The following CNKSR2 variants were observed in gnomAD, a reference collection of about 807,000 sequenced individuals.
The protein encoded by CNKSR2 is connector enhancer of kinase suppressor of Ras 2.
CNKSR2 carries 14 observed loss-of-function variants against 84.4 expected under a neutral mutation model. That is an observed-to-expected ratio of 0.17 (90% CI 0.11 to 0.26). CNKSR2 has a LOEUF of 0.26. Ranked by LOEUF, CNKSR2 falls within the 10% of genes least tolerant of loss-of-function variation. The pLI is 1.00. For synonymous variants in CNKSR2, 275 were observed against 277.9 expected (o/e 0.99, Z 0.10); for missense variants, 485 against 771.2 (o/e 0.63, Z 4.40).
intron 1 of CNKSR2, among the ~76,000 whole-genome samples, chrX:21,395,029 AGC>A (rs2090102851): frequency 8.9e-6 from 1 of 111,932 alleles, no homozygotes; most frequent in South Asian, 3.7e-4. Context: ...ACAATTGAGA[AGC>A]ATTAAGACTG....
intron 20 of CNKSR2, chrX:21,642,359 G>A (rs2147338754): frequency 2.7e-6 from 2 of 753,352 alleles, no homozygotes; most frequent in African/African-American, 4.6e-5. Context: ...GGGCAGGCAT[G>A]AGCTATTCTT....
chrX:21,568,182 C>T (rs1042129204), intron 13 of CNKSR2, among the ~76,000 whole-genome samples: 1 of 110,749 alleles, frequency 9.0e-6, no homozygotes, highest in South Asian at 3.9e-4. Context: ...CAGCTACTTG[C>T]GGGGCTAAGG....
chrX:21,586,094 T>C (rs2092386028), intron 13 of CNKSR2, among the ~76,000 whole-genome samples: 1 of 111,062 alleles, frequency 9.0e-6, no homozygotes, highest in African/African-American at 3.3e-5. Flanking sequence ...TCAGTGATAA[T>C]TGGGACCTAA....
intron 13 of CNKSR2, among the ~76,000 whole-genome samples, chrX:21,587,874 T>A (rs1049910763): frequency 8.9e-6 from 1 of 111,803 alleles, no homozygotes; most frequent in Non-Finnish European, 1.9e-5. Context: ...CTCATAGGAC[T>A]CAACATATAG....
Position 21,563,472 on chromosome X carries a change from C to T in CNKSR2, c.1608+20C>T. The T allele has an allele frequency of 9.3e-7, 1 of 1,078,080 alleles. No individual in the cohort carries two copies. The highest frequency in any genetic ancestry group is 1.3e-6 in the Non-Finnish European group (1 of 787,269). 88.8% of individuals were successfully genotyped at this position (1,078,080 alleles called of 1,213,427 possible). On this transcript the variant is annotated intron_variant, in intron 13 of 21. Coordinates refer to ENST00000379510, the MANE Select transcript of CNKSR2 (RefSeq NM_014927.5). The stretch of plus-strand genomic sequence containing the variant: ...TACCATGTAAGTAAAATTTCAAAGA[C>T]TCTTCAATACAGCTTTTATTGGAAG...
rs768497403 is a variant in CNKSR2 at position 21,473,745 on chromosome X, GTT to G, written c.561+2956_561+2957del. On this transcript the variant is annotated intron_variant, in intron 5 of 21. Transcript: ENST00000379510. ...TAGGTTTTTTGTTGTTGTTGGTTTG[GTT>G]TTTTTTTTTTTTTTTTTGAGACAGA... Among the ~76,000 whole-genome samples the G allele has an allele frequency of 5.7e-3, 386 of 67,179 alleles. 12 individuals carry two copies. Among genetic ancestry groups the G allele is most frequent in the African/African-American group, 0.035 (343 of 9,700 alleles). 58.3% of individuals were successfully genotyped at this position (67,179 alleles called of 115,157 possible).
intron 11 of CNKSR2, among the ~76,000 whole-genome samples, chrX:21,534,453 G>T (rs753769585): frequency 1.0e-4 from 11 of 110,291 alleles, no homozygotes; most frequent in Non-Finnish European, 1.7e-4. Context: ...CCTATACCCA[G>T]TAATGTGAAT....
intron 7 of CNKSR2, among the ~76,000 whole-genome samples, chrX:21,500,844 A>G (rs957250482): frequency 9.0e-6 from 1 of 111,620 alleles, no homozygotes; most frequent in East Asian, 2.8e-4. Context: ...GTATTACACT[A>G]TATGTAACAT....
intron 1 of CNKSR2, 55 bp from the exon 2 acceptor site, chrX:21,426,442 A>G (rs1436762563): frequency 9.1e-7 from 1 of 1,104,330 alleles, no homozygotes; most frequent in Non-Finnish European, 1.2e-6. Context: ...CACCCTTCAC[A>G]TTTATTTGGT....
At chrX:21,378,822 G>A (rs766393388) in intron 1 of CNKSR2, among the ~76,000 whole-genome samples, 5 of 110,912 alleles carry the variant, frequency 4.5e-5, no homozygotes, top group Admixed American at 9.6e-5. Flanking sequence ...GCCCCATTTT[G>A]CTTGTCTTCT....
intron 8 of CNKSR2, 93 bp from the exon 9 acceptor site, chrX:21,516,392 C>CTTTTTTTTT: frequency 2.4e-6 from 2 of 834,829 alleles, no homozygotes; most frequent in African/African-American, 2.2e-5. Flanking sequence ...AATTATGTGA[C>CTTTTTTTTT]TTTTTTTTTT....
intron 4 of CNKSR2, among the ~76,000 whole-genome samples, chrX:21,454,777 A>G (rs1161033938): frequency 8.9e-6 from 1 of 112,168 alleles, no homozygotes; most frequent in Non-Finnish European, 1.9e-5. Context: ...TGTTTGTATA[A>G]TATTTTACAA....
At chrX:21,526,762 A>C in intron 9 of CNKSR2, 105 bp from the exon 10 acceptor site, 3 of 749,612 alleles carry the variant, frequency 4.0e-6, no homozygotes. Context: ...GAAATAGATA[A>C]TTTTAAAATG....
intron 5 of CNKSR2, among the ~76,000 whole-genome samples, chrX:21,471,225 A>G (rs2091194171): frequency 8.9e-6 from 1 of 112,012 alleles, no homozygotes; most frequent in African/African-American, 3.2e-5. Flanking sequence ...CCAATTCTAT[A>G]CCTACGAGAC....
At chrX:21,623,501 G>A (rs2092610597) in intron 20 of CNKSR2, among the ~76,000 whole-genome samples, 1 of 111,706 alleles carries the variant, frequency 9.0e-6, no homozygotes, top group African/African-American at 3.2e-5. Flanking sequence ...TAACATTTCA[G>A]GATGTATGGT....
intron 20 of CNKSR2, chrX:21,643,830 C>G (rs1308911803): frequency 9.0e-6 from 1 of 110,704 alleles, no homozygotes; most frequent in African/African-American, 3.3e-5. Flanking sequence ...CTTCCCCAAA[C>G]CCAGTTTTAT....
chrX:21,644,677 A>G (rs903000748), intron 20 of CNKSR2: 1 of 111,736 alleles, frequency 8.9e-6, no homozygotes, highest in African/African-American at 3.2e-5. Context: ...TACTCGTGGA[A>G]AAGTCACAGT....
rs1312351018 is a variant in CNKSR2 at position 21,654,291 on chromosome X, A to AC, written c.*1770_*1771insC. The AC allele has an allele frequency of 9.3e-6, 1 of 107,204 alleles. No homozygotes were observed. 8.8% of individuals were successfully genotyped at this position (107,204 alleles called of 1,213,427 possible). A position where few individuals can be genotyped will look rare whatever the true frequency, so the allele number is the denominator to read the frequency against. On this transcript the variant is annotated 3_prime_UTR_variant, in exon 22 of 22. Transcript: ENST00000379510. Reference sequence around the variant, plus strand: ...TATATGTAAAAAAAAAAAAAAAAAAAAAACAAAAAACCTCTTGTCCTAAAA... The same window carrying AC: ...TATATGTAAAAAAAAAAAAAAAAAAACAAACAAAAAACCTCTTGTCCTAAAA...
chrX:21,522,323 C>A (rs1051064115), intron 9 of CNKSR2, among the ~76,000 whole-genome samples: 5 of 110,698 alleles, frequency 4.5e-5, no homozygotes, highest in African/African-American at 1.6e-4. Flanking sequence ...GGGTATTTCC[C>A]CCCTGGAAGG....
Sources: gnomAD v4.1 joint callset for allele counts (sites outside exome capture counted in the v4.1 genomes callset) on GRCh38, gnomAD v4.1.1 for gene constraint, MANE v1.5 for transcripts, NCBI Gene and HGNC (gene_info 2026-07-23, HGNC 2026-07-21) for gene names.